The following EPB41L5 variants were observed in gnomAD, a reference collection of about 807,000 sequenced individuals.
EPB41L5 encodes the protein erythrocyte membrane protein band 4.1 like 5, also known as band 4.1-like protein 5.
Under a neutral mutation model 106.6 loss-of-function variants are expected in EPB41L5, and 55 were observed. That is an observed-to-expected ratio of 0.52 (90% confidence interval 0.42 to 0.65). The LOEUF (loss-of-function observed/expected upper bound fraction) is 0.65, where lower values mean the gene tolerates loss of function less well. Ranked by LOEUF, EPB41L5 falls within the 30% of genes least tolerant of loss-of-function variation. The pLI is 0.00. For synonymous variants in EPB41L5, 297 were observed against 306.7 expected (o/e 0.97, Z 0.33); for missense variants, 871 against 882.1 (o/e 0.99, Z 0.16).
intron 22 of EPB41L5, among the ~76,000 whole-genome samples, chr2:120,165,451 A>G (rs967435052): frequency 2.6e-5 from 4 of 152,192 alleles, no homozygotes; most frequent in African/African-American, 7.2e-5. Context: ...GCTTACCTCT[A>G]ATATCTAATG....
chr2:120,105,502 A>G lies in EPB41L5; in HGVS notation c.1337+4688A>G, dbSNP rs567123796. 8.2e-5 allele frequency: 81 copies of G among 985,336 alleles called. No homozygotes were observed. In the Middle Eastern group the frequency reaches 1.6e-3, roughly 19 times the overall value. 61.0% of individuals were successfully genotyped at this position (985,336 alleles called of 1,614,324 possible). A position where few individuals can be genotyped will look rare whatever the true frequency, so the allele number is the denominator to read the frequency against. On this transcript the variant is annotated intron_variant, in intron 16 of 24. Coordinates refer to ENST00000263713, the MANE Select transcript of EPB41L5 (RefSeq NM_020909.4). ...GGCTTAATACTGGACTATTGGTTTA[A>G]TACTGAATGGTTGGTTGCAGTTTGT...
At chr2:120,024,334 A>G (rs556984117) in intron 2 of EPB41L5, among the ~76,000 whole-genome samples, 3 of 152,288 alleles carry the variant, frequency 2.0e-5, no homozygotes, top group African/African-American at 7.2e-5. Context: ...AAGCTCTTAA[A>G]TTATTTTAAG....
Position 120,146,307 on chromosome 2 carries a change from C to T in EPB41L5, c.1793+18C>T. 1 of 1,578,092 alleles carries T rather than the reference C, an allele frequency of 6.3e-7. No individual in the cohort carries two copies. Among genetic ancestry groups the T allele is most frequent in the Non-Finnish European group, 8.7e-7 (1 of 1,151,236 alleles). ...ACAAACAGGTACAGTTCTGGGTAGA[C>T]TGAATTAAATTGATGTTCTTATCTA... is the stretch of plus-strand genomic sequence containing the variant. On this transcript the variant is annotated intron_variant, in intron 20 of 24. Transcript: ENST00000263713.
At chr2:120,042,998 TGTGTGTG>T (rs746439495) in intron 3 of EPB41L5, among the ~76,000 whole-genome samples, 9,712 of 127,520 alleles carry the variant, frequency 0.076, 527 homozygotes, top group African/African-American at 0.17. Context: ...TCTGGAAATG[TGTGTGTG>T]TGTGTGTGTG....
At chr2:120,105,841 G>A (rs1684423249) in intron 16 of EPB41L5, 1 of 985,078 alleles carries the variant, frequency 1.0e-6, no homozygotes, top group African/African-American at 1.7e-5. Flanking sequence ...GAGGAATTTG[G>A]ATTATAACAT....
intron 20 of EPB41L5, 30 bp from the exon 21 acceptor site, chr2:120,160,851 C>T: frequency 6.5e-7 from 1 of 1,536,016 alleles, no homozygotes; most frequent in Non-Finnish European, 9.0e-7. Context: ...ACAGGTCCTA[C>T]ATGATGTGAA....
intron 13 of EPB41L5, among the ~76,000 whole-genome samples, chr2:120,092,375 TATA>T (rs1470239331): frequency 6.6e-6 from 1 of 152,212 alleles, no homozygotes; most frequent in African/African-American, 2.4e-5. Flanking sequence ...CATATTGTAT[TATA>T]ATATTAAGGA....
intron 20 of EPB41L5, among the ~76,000 whole-genome samples, chr2:120,147,641 A>G (rs1043163340): frequency 6.6e-6 from 1 of 151,686 alleles, no homozygotes; most frequent in Non-Finnish European, 1.5e-5. Context: ...AAAAAAAAAA[A>G]AAAAAGGAAA....
At chr2:120,157,756 G>C (rs1253425873) in intron 20 of EPB41L5, among the ~76,000 whole-genome samples, 2 of 140,190 alleles carry the variant, frequency 1.4e-5, no homozygotes, top group Non-Finnish European at 3.1e-5. Flanking sequence ...GAAACGGAGT[G>C]AGACCCTGTC....
At chr2:120,095,949 T>C (rs1683727119) in intron 14 of EPB41L5, among the ~76,000 whole-genome samples, 1 of 152,074 alleles carries the variant, frequency 6.6e-6, no homozygotes, top group African/African-American at 2.4e-5. Context: ...GGATTACAGG[T>C]GTGAACCACC....
chr2:120,100,516 G>C (rs1333455566), intron 15 of EPB41L5, among the ~76,000 whole-genome samples, 183 bp from the exon 16 acceptor site: 1 of 152,094 alleles, frequency 6.6e-6, no homozygotes, highest in Non-Finnish European at 1.5e-5. Flanking sequence ...GTGAATCCAA[G>C]AACATAATTT....
At chr2:120,099,471 A>G (rs1283298753) in intron 14 of EPB41L5, among the ~76,000 whole-genome samples, 1 of 151,086 alleles carries the variant, frequency 6.6e-6, no homozygotes, top group African/African-American at 2.4e-5. Context: ...CCTGTCGCCC[A>G]GGCCGGAGTG....
chr2:120,023,147 C>A (rs765737493), intron 2 of EPB41L5, among the ~76,000 whole-genome samples: 10 of 152,082 alleles, frequency 6.6e-5, no homozygotes, highest in Non-Finnish European at 1.3e-4. Context: ...ATGATAGTTT[C>A]TTTTGCTGGG....
In EPB41L5 at chr2:120,177,565, C is replaced by T. The variant is rs1574813412; in HGVS notation, c.*2658C>T. 2 of 152,162 alleles carry T rather than the reference C, an allele frequency of 1.3e-5. No individual in the cohort carries two copies. The highest frequency in any genetic ancestry group is 4.1e-4 in the South Asian group (2 of 4,824). The allele number at this position is 152,162 out of a possible 1,614,324, so 9.4% of individuals were successfully genotyped here. The stretch of plus-strand genomic sequence containing the variant: ...ACCTGCTCTAGACTTTGCCTGAGAA[C>T]TTGTAAATTAATCAGTGAGACCTAA... On this transcript the variant is annotated 3_prime_UTR_variant, in exon 25 of 25. Transcript: ENST00000263713.
At chr2:120,024,465 T>G (rs1459561008) in intron 2 of EPB41L5, among the ~76,000 whole-genome samples, 4 of 152,168 alleles carry the variant, frequency 2.6e-5, no homozygotes, top group Non-Finnish European at 5.9e-5. Flanking sequence ...GTGTGTTTGT[T>G]TATTTTTTTG....
Position 120,099,434 on chromosome 2 carries a change from T to A in EPB41L5, c.1179-810T>A, listed in dbSNP as rs1043092520. Among the ~76,000 whole-genome samples the A allele has an allele frequency of 4.0e-4, 58 of 146,236 alleles. 1 individual carries two copies. Among genetic ancestry groups the A allele is most frequent in the Admixed American group, 1.0e-3 (15 of 14,550 alleles). ...GGATGGGTACAAACTGAACTGAAAA[T>A]TTTTTTTTTTTGAGATGGAGTCTCG... On this transcript the variant is annotated intron_variant, in intron 14 of 24. Coordinates refer to ENST00000263713, the MANE Select transcript of EPB41L5 (RefSeq NM_020909.4).
Position 120,019,066 on chromosome 2 carries a change from T to G in EPB41L5, c.-8-11T>G, listed in dbSNP as rs370389592. 2.5e-6 allele frequency: 4 copies of G among 1,577,162 alleles called. No individual in the cohort carries two copies. The highest frequency in any genetic ancestry group is 2.6e-6 in the Non-Finnish European group (3 of 1,164,482). On this transcript the variant is annotated splice_polypyrimidine_tract_variant and intron_variant, in intron 1 of 24. Transcript: ENST00000263713. The stretch of plus-strand genomic sequence containing the variant: ...TTTCCTGATGCCATCTTTTTCTCTC[T>G]GTTTTTATAGTGACAAAAATGCTGA...
At chr2:120,127,636 A>G in intron 16 of EPB41L5, 52 bp from the exon 17 acceptor site, 1 of 1,477,262 alleles carries the variant, frequency 6.8e-7, no homozygotes, top group Non-Finnish European at 9.2e-7. Flanking sequence ...TAGTGTTTTA[A>G]TTTTTCAAGT....
intron 16 of EPB41L5, among the ~76,000 whole-genome samples, chr2:120,126,923 T>C (rs1685482024): frequency 2.0e-5 from 3 of 152,234 alleles, no homozygotes; most frequent in Admixed American, 2.0e-4. Flanking sequence ...TCTATTTATT[T>C]AGATCTCCTT....
Sources: gnomAD v4.1 joint callset for allele counts (sites outside exome capture counted in the v4.1 genomes callset) on GRCh38, gnomAD v4.1.1 for gene constraint, MANE v1.5 for transcripts, NCBI Gene and HGNC (gene_info 2026-07-23, HGNC 2026-07-21) for gene names.